The following PLXNC1 variants were observed in gnomAD, a reference collection of about 807,000 sequenced individuals.
The protein encoded by PLXNC1 is plexin-C1.
Under a neutral mutation model 178.2 loss-of-function variants are expected in PLXNC1, and 75 were observed. The ratio of observed to expected loss-of-function variants is 0.42; its 90% CI spans 0.35 to 0.51. The LOEUF (loss-of-function observed/expected upper bound fraction) is 0.51. Among genes scored for constraint, PLXNC1 ranks in the 20% least tolerant of loss-of-function variants. The probability of loss-of-function intolerance (pLI) is 0.02; values close to 1 mark genes in which losing one functional copy is unlikely to be tolerated. For missense variants in PLXNC1, 1,503 were observed against 1,984.4 expected, an observed-to-expected ratio of 0.76 and a Z score of 4.61; for synonymous variants, 790 against 779.9, an observed-to-expected ratio of 1.01 and a Z score of -0.22.
intron 21 of PLXNC1, chr12:94,277,694 G>A (rs1037242893): frequency 1.8e-5 from 6 of 333,890 alleles, no homozygotes; most frequent in East Asian, 8.4e-5. Context: ...TGGAGTGGGC[G>A]TCCTAGCTGT....
intron 2 of PLXNC1, among the ~76,000 whole-genome samples, chr12:94,172,352 T>C (rs947071487): frequency 7.9e-5 from 12 of 152,304 alleles, no homozygotes; most frequent in South Asian, 6.2e-4. Flanking sequence ...GAAACAGCAA[T>C]TGGGGCCCAA....
At chr12:94,239,473 T>G (rs1391099052) in intron 10 of PLXNC1, among the ~76,000 whole-genome samples, 1 of 152,264 alleles carries the variant, frequency 6.6e-6, no homozygotes, top group Non-Finnish European at 1.5e-5. Flanking sequence ...CTGACTCAGA[T>G]GTTTTTGAAT....
At chr12:94,204,497 A>G (rs1323869094) in intron 4 of PLXNC1, among the ~76,000 whole-genome samples, 1 of 152,254 alleles carries the variant, frequency 6.6e-6, no homozygotes, top group Non-Finnish European at 1.5e-5. Flanking sequence ...ACTGACTTTC[A>G]GCTTCAGTGA....
At chr12:94,224,501 G>C (rs971219454) in intron 7 of PLXNC1, among the ~76,000 whole-genome samples, 186 bp downstream of exon 7, 1 of 152,190 alleles carries the variant, frequency 6.6e-6, no homozygotes. Context: ...TTCTAGCCCT[G>C]ACTAGTAAGC....
chr12:94,279,723 C>A, intron 22 of PLXNC1, 74 bp downstream of exon 22: 1 of 1,276,040 alleles, frequency 7.8e-7, no homozygotes, highest in Non-Finnish European at 1.1e-6. Flanking sequence ...CCTCCCTGTC[C>A]CCCCTCCCTG....
intron 23 of PLXNC1, among the ~76,000 whole-genome samples, chr12:94,294,138 T>C (rs112789083): frequency 3.3e-5 from 5 of 152,320 alleles, no homozygotes; most frequent in South Asian, 2.1e-4. Context: ...CCTCTGCGAA[T>C]TGGGGGGAAT....
intron 22 of PLXNC1, 77 bp downstream of exon 22, chr12:94,279,726 C>G (rs552491160): frequency 6.5e-6 from 8 of 1,225,090 alleles, no homozygotes; most frequent in African/African-American, 2.1e-5. Context: ...CCCTGTCCCC[C>G]CTCCCTGCCC....
chr12:94,266,952 C>T (rs1018978603), intron 21 of PLXNC1, among the ~76,000 whole-genome samples: 2 of 152,164 alleles, frequency 1.3e-5, no homozygotes, highest in African/African-American at 2.4e-5. Context: ...GGAGCCCAGG[C>T]GTGGATGTAT....
In PLXNC1 at chr12:94,181,542, G is replaced by T; in HGVS notation, c.1300G>T (p.Val434Leu). ...PVFYKLVPDP[V>L]KNIYIYLTAG... ...TTTCTACAAACTCGTTCCTGATCCT[G>T]TGAAGAATATCTACATTTATCTAAC... Residue 434 changes from valine to leucine, a missense_variant, in exon 3 of 31, where the codon GTG (valine) becomes TTG (leucine). Coordinates refer to ENST00000258526, the MANE Select transcript of PLXNC1 (RefSeq NM_005761.3). 6.2e-7 allele frequency: 1 copy of T among 1,609,022 alleles called. No individual in the cohort carries two copies. The highest frequency in any genetic ancestry group is 8.5e-7 in the Non-Finnish European group (1 of 1,175,678).
At chr12:94,182,241 T>C (rs1962334331) in intron 3 of PLXNC1, among the ~76,000 whole-genome samples, 1 of 151,860 alleles carries the variant, frequency 6.6e-6, no homozygotes. Context: ...CACACAAGTG[T>C]AGAAAACAGT....
chr12:94,264,137 G>A (rs779637903), intron 20 of PLXNC1, among the ~76,000 whole-genome samples: 1 of 152,036 alleles, frequency 6.6e-6, no homozygotes, highest in Admixed American at 6.6e-5. Context: ...CATTGATTAC[G>A]GAAGGTTCGT....
At chr12:94,214,245 C>G (rs1963578893) in intron 5 of PLXNC1, among the ~76,000 whole-genome samples, 1 of 151,876 alleles carries the variant, frequency 6.6e-6, no homozygotes, top group South Asian at 2.1e-4. Context: ...CCACCACACC[C>G]AGCTAATTTT....
At chr12:94,189,414 C>T (rs1962639587) in intron 4 of PLXNC1, among the ~76,000 whole-genome samples, 1 of 152,158 alleles carries the variant, frequency 6.6e-6, no homozygotes, top group African/African-American at 2.4e-5. Context: ...CGCGGTGACT[C>T]ACACCTATAT....
intron 27 of PLXNC1, 130 bp downstream of exon 27, chr12:94,298,925 C>A: frequency 1.2e-6 from 1 of 826,366 alleles, no homozygotes; most frequent in Non-Finnish European, 1.8e-6. Context: ...GGTAAGCTAT[C>A]ATGTCAAAGT....
In PLXNC1 at chr12:94,265,118, C is replaced by T; in HGVS notation, c.3490C>T (p.Leu1164=). 2 of 1,614,150 alleles carry T rather than the reference C, an allele frequency of 1.2e-6. No individual in the cohort carries two copies. Among genetic ancestry groups the T allele is most frequent in the Non-Finnish European group, 1.7e-6 (2 of 1,179,998 alleles). ...GCCCTTCTATTTGCTGGTGACGACT[C>T]TGAACCAGAAAATTAACAAGGGTCC... ...GEPFYLLVTT[L]NQKINKGPVD... The change falls in exon 21 of 31, where the codon CTG becomes TTG. Residue 1164 remains leucine, a synonymous_variant. Coordinates refer to ENST00000258526, the MANE Select transcript of PLXNC1 (RefSeq NM_005761.3).
intron 20 of PLXNC1, chr12:94,262,825 T>C (rs1965035775): frequency 1.0e-6 from 1 of 954,276 alleles, no homozygotes; most frequent in African/African-American, 1.8e-5. Context: ...ATTTATTGAA[T>C]GTGCCAGACA....
At chr12:94,201,748 CTTTTTTTTTTTTTTTTTTTTTTTTTT>C (rs10529488) in intron 4 of PLXNC1, among the ~76,000 whole-genome samples, 2 of 54,422 alleles carry the variant, frequency 3.7e-5, no homozygotes, top group Non-Finnish European at 6.7e-5. Flanking sequence ...CTTCCCACTA[CTTTTTTTTTTTTTTTTTTTTTTTTTT>C]TTTTTTTTTT....
At position 94,243,827 on chromosome 12, in the gene PLXNC1, A is replaced by G. The variant is rs73366668; in HGVS notation, c.2301-111A>G. ...ATTAAAATTCATTAATTTGCTCTCA[A>G]ACATAATTGGGTTTAATATTAAACA... On this transcript the variant is annotated intron_variant, in intron 11 of 30. Transcript: ENST00000258526. 4.3e-3 allele frequency: 2,144 copies of G among 497,110 alleles called. 42 individuals carry two copies. The highest frequency in any genetic ancestry group is 0.039 in the African/African-American group (1,983 of 50,922). The allele number at this position is 497,110 out of a possible 1,614,324, so 30.8% of individuals were successfully genotyped here.
intron 10 of PLXNC1, among the ~76,000 whole-genome samples, chr12:94,238,112 G>A (rs1470973740): frequency 6.6e-6 from 1 of 152,134 alleles, no homozygotes; most frequent in Non-Finnish European, 1.5e-5. Context: ...ATATGGAGTA[G>A]CAAACATCAT....
Sources: allele counts gnomAD v4.1 joint callset (sites outside exome capture counted in the v4.1 genomes callset), GRCh38; gene constraint gnomAD v4.1.1; transcripts MANE v1.5; gene names NCBI Gene and HGNC (gene_info 2026-07-23, HGNC 2026-07-21).